Variants in EEF1G observed in about 807,000 individuals in gnomAD.
EEF1G encodes elongation factor 1-gamma.
In EEF1G, 14 loss-of-function variants were observed where a neutral mutation model predicts 58.3. The ratio of observed to expected loss-of-function variants is 0.24; its 90% CI spans 0.16 to 0.38. EEF1G has a LOEUF of 0.38. EEF1G is among the 10% of genes least tolerant of loss of function. EEF1G has a pLI of 1.00. For synonymous variants in EEF1G, 180 were observed against 206.8 expected, an observed-to-expected ratio of 0.87 and a Z score of 1.11; for missense variants, 322 against 550.1, an observed-to-expected ratio of 0.59 and a Z score of 4.15.
At chr11:62,566,192 T>C (rs914091222) in intron 7 of EEF1G, among the ~76,000 whole-genome samples, 3 of 152,324 alleles carry the variant, frequency 2.0e-5, no homozygotes, top group East Asian at 1.9e-4. Flanking sequence ...TTTTACTATA[T>C]TATTTCTTCC....
At chr11:62,566,658 G>A in intron 7 of EEF1G, 148 bp downstream of exon 7, 1 of 780,770 alleles carries the variant, frequency 1.3e-6, no homozygotes, top group Non-Finnish European at 2.0e-6. Flanking sequence ...TTATCAGCCA[G>A]AAAGCTGCTT....
chr11:62,561,070 C>T (rs1168904955), intron 7 of EEF1G, among the ~76,000 whole-genome samples: 1 of 152,206 alleles, frequency 6.6e-6, no homozygotes, highest in African/African-American at 2.4e-5. Context: ...AGAGGTCACT[C>T]CCTCCACGAT....
intron 6 of EEF1G, 113 bp from the exon 7 acceptor site, chr11:62,567,123 A>G: frequency 8.4e-7 from 1 of 1,188,662 alleles, no homozygotes; most frequent in South Asian, 1.4e-5. Flanking sequence ...GGGACAAGTA[A>G]GGAACTTAGG....
chr11:62,572,212 G>C (rs533157279), intron 2 of EEF1G, among the ~76,000 whole-genome samples: 2 of 152,162 alleles, frequency 1.3e-5, no homozygotes, highest in East Asian at 3.9e-4. Context: ...AAGTATTAGT[G>C]TGTGACCCAG....
chr11:62,569,142 G>C (rs1941594329), intron 5 of EEF1G, among the ~76,000 whole-genome samples: 1 of 151,300 alleles, frequency 6.6e-6, no homozygotes, highest in Non-Finnish European at 1.5e-5. Context: ...AGAAAGTAAA[G>C]AACATTCAAA....
At chr11:62,562,376 A>G (rs915328957) in intron 7 of EEF1G, among the ~76,000 whole-genome samples, 3 of 152,352 alleles carry the variant, frequency 2.0e-5, no homozygotes, top group East Asian at 3.9e-4. Context: ...TCGCTCAGGT[A>G]CAACATGTGT....
intron 5 of EEF1G, 107 bp downstream of exon 5, chr11:62,570,858 A>G (rs1361439289): frequency 4.8e-6 from 7 of 1,472,034 alleles, no homozygotes; most frequent in Non-Finnish European, 6.5e-6. Flanking sequence ...ACCCACCTCT[A>G]GCTGTTTTCC....
At position 62,571,588 on chromosome 11, in the gene EEF1G, G is replaced by A; in HGVS notation, c.330C>T (p.Ala110=). 6.3e-7 allele frequency: 1 copy of A among 1,593,132 alleles called. No individual in the cohort carries two copies. Among genetic ancestry groups the A allele is most frequent in the Non-Finnish European group, 8.6e-7 (1 of 1,169,536 alleles). The change falls in exon 4 of 10, where the codon GCC becomes GCT. Residue 110 remains alanine (A), a synonymous_variant. Coordinates refer to ENST00000329251, the MANE Select transcript of EEF1G (RefSeq NM_001404.5). The part of the protein sequence containing the change: ...SFADSDIVPP[A]STWVFPTLGI... ...CCAAGGTGGGGAACACCCAGGTACT[G>A]GCTGGGGGCACTATATCGGAATCAG... is the stretch of plus-strand genomic sequence containing the variant.
intron 7 of EEF1G, among the ~76,000 whole-genome samples, chr11:62,565,750 G>C (rs888241064): frequency 6.6e-6 from 1 of 152,160 alleles, no homozygotes; most frequent in African/African-American, 2.4e-5. Context: ...CCTGTGTCTG[G>C]ATGGAGCCTT....
Position 62,560,420 on chromosome 11 carries a change from A to T in EEF1G, c.892T>A (p.Ser298Thr). 2 of 1,610,298 alleles carry T rather than the reference A, an allele frequency of 1.2e-6. No individual in the cohort carries two copies. Among genetic ancestry groups the T allele is most frequent in the Non-Finnish European group, 1.7e-6 (2 of 1,178,168 alleles). ...FVLDEFKRKY[S>T]NEDTLSVALP... is the part of the protein sequence containing the mutation. The stretch of plus-strand genomic sequence containing the variant: ...GCCACAGAGAGTGTGTCCTCATTGG[A>T]GTACTTGCGCTTAAATTCATCCAAC... The change falls in exon 8 of 10, where the codon TCC (serine) becomes ACC (threonine). Residue 298 changes from serine (S) to threonine (T), a missense_variant. By Grantham distance (58) the Ser-to-Thr change is moderately conservative (BLOSUM62 1). Transcript: ENST00000329251.
chr11:62,562,944 A>T (rs1283080702), intron 7 of EEF1G, among the ~76,000 whole-genome samples: 1 of 151,880 alleles, frequency 6.6e-6, no homozygotes, highest in Admixed American at 6.5e-5. Context: ...TCTACAAAAA[A>T]ATTTAAAAAT....
Position 62,559,715 on chromosome 11 carries a change from C to G in EEF1G, c.1278G>C (p.Val426=). Residue 426 remains valine (V), a synonymous_variant, in exon 10 of 10, where the codon GTG becomes GTC. Transcript: ENST00000329251. The part of the protein sequence containing the change: ...YFSWEGAFQH[V]GKAFNQGKIF... The stretch of plus-strand genomic sequence containing the variant: ...TCTTGCCCTGATTGAAGGCTTTGCC[C>G]ACATGCTGGAAGGCCCCCTCCCAGG... 2 of 1,613,974 alleles carry G rather than the reference C, an allele frequency of 1.2e-6. No individual in the cohort carries two copies. The highest frequency in any genetic ancestry group is 2.2e-5 in the South Asian group (2 of 91,076).
intron 7 of EEF1G, among the ~76,000 whole-genome samples, chr11:62,560,825 TC>T (rs1057151981): frequency 4.0e-5 from 6 of 151,466 alleles, no homozygotes; most frequent in Non-Finnish European, 7.4e-5. Flanking sequence ...CCAAGTCTCT[TC>T]CCCCCCACCA....
Position 62,573,865 on chromosome 11 carries a change from G to A in EEF1G, c.-23C>T, listed in dbSNP as rs201389774. The A allele has an allele frequency of 6.8e-6, 11 of 1,613,738 alleles. No homozygotes were observed. Among genetic ancestry groups the A allele is most frequent in the African/African-American group, 5.3e-5 (4 of 75,074 alleles). On this transcript the variant is annotated 5_prime_UTR_variant, in exon 1 of 10. Transcript: ENST00000329251. ...CATGGTGATTCCGCAAAGAAAGGGG[G>A]TGGGGTTCTCGGCGCTGCCGCAAAG... is the stretch of plus-strand genomic sequence containing the variant.
At chr11:62,564,116 A>C (rs2134291520) in intron 7 of EEF1G, among the ~76,000 whole-genome samples, 2 of 152,334 alleles carry the variant, frequency 1.3e-5, no homozygotes, top group East Asian at 3.9e-4. Context: ...CTAGAATTAA[A>C]ATCTGGACAT....
chr11:62,567,341 T>G, intron 6 of EEF1G, 58 bp downstream of exon 6: 2 of 1,545,654 alleles, frequency 1.3e-6, no homozygotes, highest in South Asian at 2.5e-5. Flanking sequence ...AAGGGGTTGA[T>G]GCAGAGCAAA....
intron 6 of EEF1G, 35 bp from the exon 7 acceptor site, chr11:62,567,045 T>C: frequency 6.2e-7 from 1 of 1,607,040 alleles, no homozygotes; most frequent in Non-Finnish European, 8.5e-7. Flanking sequence ...TGAACGAATG[T>C]TCTGCCTCTT....
rs1941647748 is a variant in EEF1G at position 62,572,571 on chromosome 11, T to C, written c.171+13A>G. Reference sequence around the variant, plus strand: ...TCTCAGAACCGAAGGATGCTCCCCATCTCCCAACTCACCTTGCCGGCAGGA... The same window carrying C: ...TCTCAGAACCGAAGGATGCTCCCCACCTCCCAACTCACCTTGCCGGCAGGA... On this transcript the variant is annotated intron_variant, in intron 2 of 9. Transcript: ENST00000329251. 1.2e-6 allele frequency: 2 copies of C among 1,611,730 alleles called. No homozygotes were observed. The highest frequency in any genetic ancestry group is 3.3e-5 in the Admixed American group (2 of 59,994).
chr11:62,561,615 AGCCGAAATT>A (rs1941494431), intron 7 of EEF1G, among the ~76,000 whole-genome samples: 1 of 146,494 alleles, frequency 6.8e-6, no homozygotes, highest in Non-Finnish European at 1.5e-5. Flanking sequence ...GGCTGCAGTG[AGCCGAAATT>A]GCACTCCAGC....
Sources: gnomAD v4.1 joint callset for allele counts (sites outside exome capture counted in the v4.1 genomes callset) on GRCh38, gnomAD v4.1.1 for gene constraint, MANE v1.5 for transcripts, NCBI Gene and HGNC (gene_info 2026-07-23, HGNC 2026-07-21) for gene names.